Variants in APLF observed in about 807,000 individuals in gnomAD.
APLF encodes aprataxin and PNK-like factor.
A neutral mutation model predicts 55.6 loss-of-function variants in APLF; 61 were observed. That is an observed-to-expected ratio of 1.10 (90% CI 0.89 to 1.36). The LOEUF is 1.36. Among genes scored for constraint, APLF ranks in the 40% most tolerant of loss-of-function variants. The probability of loss-of-function intolerance (pLI) is 0.00; values close to 1 mark genes in which losing one functional copy is unlikely to be tolerated. For synonymous variants in APLF, 207 were observed against 214.8 expected (o/e 0.96, Z 0.32); for missense variants, 611 against 602.5 (o/e 1.01, Z -0.15).
chr2:68,575,870 T>A (rs1473807089), intron 9 of APLF, among the ~76,000 whole-genome samples: 1 of 152,018 alleles, frequency 6.6e-6, no homozygotes, highest in African/African-American at 2.4e-5. Context: ...GATAAATGAG[T>A]CTGGAATTCA....
At position 68,580,022 on chromosome 2, in the gene APLF, A is replaced by C; in HGVS notation, c.*2000A>C. 3.3e-6 allele frequency: 3 copies of C among 903,764 alleles called. No homozygotes were observed. The highest frequency in any genetic ancestry group is 2.6e-6 in the Non-Finnish European group (2 of 755,550). 56.0% of individuals were successfully genotyped at this position (903,764 alleles called of 1,614,324 possible). ...TCTTTTAGAAGGAAAAAAATATTTA[A>C]TATCAAAGGATATTCTTCGTAGTAA... On this transcript the variant is annotated 3_prime_UTR_variant, in exon 10 of 10. Coordinates refer to ENST00000303795, the MANE Select transcript of APLF (RefSeq NM_173545.3).
chr2:68,504,677 A>G (rs1398914305), intron 3 of APLF, among the ~76,000 whole-genome samples: 2 of 152,062 alleles, frequency 1.3e-5, no homozygotes, highest in African/African-American at 4.8e-5. Context: ...AAGATTGGGA[A>G]TACAACAAAG....
chr2:68,536,932 C>T (rs1049206864), intron 6 of APLF, among the ~76,000 whole-genome samples: 6 of 151,950 alleles, frequency 3.9e-5, no homozygotes, highest in African/African-American at 2.4e-5. Context: ...TTTGAGAAGC[C>T]AGGGCAGGCA....
chr2:68,509,820 A>C (rs539286831), intron 3 of APLF, among the ~76,000 whole-genome samples: 1 of 152,060 alleles, frequency 6.6e-6, no homozygotes, highest in Non-Finnish European at 1.5e-5. Context: ...AACCAACCCA[A>C]ATGTCCATCA....
At chr2:68,482,237 T>C (rs1675982566) in intron 1 of APLF, among the ~76,000 whole-genome samples, 1 of 152,172 alleles carries the variant, frequency 6.6e-6, no homozygotes, top group Non-Finnish European at 1.5e-5. Flanking sequence ...TGCAGTAGCT[T>C]TCACAGGGAA....
At chr2:68,511,983 A>C (rs780310290) in intron 3 of APLF, among the ~76,000 whole-genome samples, 3 of 151,796 alleles carry the variant, frequency 2.0e-5, no homozygotes, top group African/African-American at 4.8e-5. Context: ...CAAGCGGTTA[A>C]TTAGACTTTT....
At chr2:68,528,800 G>A (rs1670158022) in intron 6 of APLF, 6 of 1,474,736 alleles carry the variant, frequency 4.1e-6, no homozygotes, top group Non-Finnish European at 5.5e-6. Flanking sequence ...GGCCTTGTCA[G>A]TCTGGTTGTT....
chr2:68,518,367 AAT>A (rs1452782949), intron 5 of APLF, among the ~76,000 whole-genome samples: 5 of 112,468 alleles, frequency 4.4e-5, no homozygotes, highest in African/African-American at 1.9e-4. Context: ...GCAATATATT[AAT>A]ATATGACTGT....
At chr2:68,517,433 A>C (rs1669646361) in intron 5 of APLF, among the ~76,000 whole-genome samples, 1 of 132,232 alleles carries the variant, frequency 7.6e-6, no homozygotes. Context: ...ATATTAATAT[A>C]TCTATATATG....
intron 1 of APLF, among the ~76,000 whole-genome samples, chr2:68,489,637 C>A (rs562905717): frequency 6.6e-4 from 100 of 152,180 alleles, no homozygotes; most frequent in African/African-American, 2.0e-3. Context: ...TTCACTATTC[C>A]CCTTCTTGCC....
At chr2:68,549,988 G>T (rs374759853) in intron 8 of APLF, among the ~76,000 whole-genome samples, 8 of 152,112 alleles carry the variant, frequency 5.3e-5, no homozygotes, top group African/African-American at 1.9e-4. Flanking sequence ...GTAACCTGTC[G>T]GAGTGTTGGT....
chr2:68,557,487 G>A (rs1322643216), intron 8 of APLF, among the ~76,000 whole-genome samples: 1 of 152,172 alleles, frequency 6.6e-6, no homozygotes, highest in Non-Finnish European at 1.5e-5. Flanking sequence ...AAGAATGTGT[G>A]TTGTTTAGTA....
chr2:68,533,681 G>T, intron 6 of APLF, among the ~76,000 whole-genome samples: 1 of 152,122 alleles, frequency 6.6e-6, no homozygotes, highest in Admixed American at 6.5e-5. Context: ...GAATGGCTGG[G>T]GGCTGGCTGG....
Position 68,529,215 on chromosome 2 carries a change from TC to T in APLF, c.804+2975del. 8.0e-7 allele frequency: 1 copy of T among 1,251,772 alleles called. No individual in the cohort carries two copies. The highest frequency in any genetic ancestry group is 1.1e-6 in the Non-Finnish European group (1 of 926,410). 77.5% of individuals were successfully genotyped at this position (1,251,772 alleles called of 1,614,324 possible). On this transcript the variant is annotated intron_variant, in intron 6 of 9. Transcript: ENST00000303795. The surrounding 1 kb of genome is among the most constrained non-coding windows in gnomAD (Gnocchi z 4.4). ...AGGACCCTCTGTGGGGTGCCCGTGT[TC>T]CAAGGGATAAGACACAGCCTCATAA... is the stretch of plus-strand genomic sequence containing the variant.
chr2:68,565,526 C>CATAA (rs1671283825), intron 8 of APLF, among the ~76,000 whole-genome samples: 6 of 147,588 alleles, frequency 4.1e-5, no homozygotes, highest in Admixed American at 2.7e-4. Flanking sequence ...TACATACATA[C>CATAA]ATACATACAT....
intron 5 of APLF, among the ~76,000 whole-genome samples, chr2:68,515,915 T>A (rs1012405559): frequency 6.6e-6 from 1 of 151,754 alleles, no homozygotes; most frequent in African/African-American, 2.4e-5. Context: ...AAAAATTGTT[T>A]TGTTTGTTTA....
chr2:68,530,231 A>G (rs1670214520), intron 6 of APLF, among the ~76,000 whole-genome samples: 1 of 152,212 alleles, frequency 6.6e-6, no homozygotes, highest in Non-Finnish European at 1.5e-5. Flanking sequence ...TGGATACAGC[A>G]TCTATTCTTA....
intron 1 of APLF, among the ~76,000 whole-genome samples, chr2:68,472,774 G>A (rs1675659955): frequency 6.6e-6 from 1 of 152,138 alleles, no homozygotes; most frequent in East Asian, 1.9e-4. Flanking sequence ...GTGTTGACCA[G>A]GCTTGTGGGA....
At chr2:68,542,453 C>T (rs2104013172) in intron 7 of APLF, among the ~76,000 whole-genome samples, 1 of 149,602 alleles carries the variant, frequency 6.7e-6, no homozygotes, top group African/African-American at 2.5e-5. Context: ...AACTAAACAA[C>T]CAAAAAACAA....
Sources: allele counts gnomAD v4.1 joint callset (sites outside exome capture counted in the v4.1 genomes callset), GRCh38; gene constraint gnomAD v4.1.1; non-coding constraint Gnocchi (gnomAD v3.1); transcripts MANE v1.5; gene names NCBI Gene and HGNC (gene_info 2026-07-23, HGNC 2026-07-21).